AVEN: variants seen among roughly 807,000 people sequenced by gnomAD.
AVEN encodes cell death regulator Aven.
AVEN carries 41 observed loss-of-function variants against 38.1 expected under a neutral mutation model. The ratio of observed to expected loss-of-function variants is 1.08; its 90% CI spans 0.84 to 1.40. The LOEUF is 1.40. Ranked by LOEUF, AVEN falls within the 40% of genes most tolerant of loss-of-function variation. AVEN has a pLI of 0.00. For missense variants in AVEN, 605 were observed against 438.8 expected (o/e 1.38, Z -3.38); for synonymous variants, 206 against 171.8 (o/e 1.20, Z -1.56).
At chr15:34,017,987 A>C (rs920213706) in intron 1 of AVEN, among the ~76,000 whole-genome samples, 1 of 152,246 alleles carries the variant, frequency 6.6e-6, no homozygotes, top group South Asian at 2.1e-4. Context: ...ATTACCAGTC[A>C]TATAAAAGTC....
intron 2 of AVEN, among the ~76,000 whole-genome samples, chr15:33,983,821 A>T (rs1451034731): frequency 6.6e-6 from 1 of 152,098 alleles, no homozygotes; most frequent in Admixed American, 6.5e-5. Context: ...AGTTAACATC[A>T]TCAGCAGTAA....
chr15:34,068,362 C>T (rs1215623948), intron 2 of AVEN, among the ~76,000 whole-genome samples: 2 of 151,844 alleles, frequency 1.3e-5, no homozygotes, highest in Non-Finnish European at 2.9e-5. Flanking sequence ...CACGCCACCA[C>T]GCCAGGTTAA....
chr15:33,870,957 T>G lies in AVEN; in HGVS notation c.590A>C (p.Asn197Thr). The change falls in exon 4 of 6, where the codon AAC (asparagine) becomes ACC (threonine). Residue 197 changes from asparagine (N) to threonine (T), a missense_variant. Transcript: ENST00000306730. ...TACCTGGACCAGTTCGGCAGCAACG[T>G]TGAGTCGGAGGCAGAGAGGCAGCTC... ...LQELPLCLRL[N>T]VAAELVQGTV... The G allele has an allele frequency of 1.9e-6, 3 of 1,611,422 alleles. No homozygotes were observed. Among genetic ancestry groups the G allele is most frequent in the Non-Finnish European group, 2.5e-6 (3 of 1,178,366 alleles).
At chr15:34,032,258 T>C (rs1229152975) in intron 1 of AVEN, among the ~76,000 whole-genome samples, 1 of 152,204 alleles carries the variant, frequency 6.6e-6, no homozygotes, top group African/African-American at 2.4e-5. Context: ...AGTCATGCTA[T>C]GGTGTGGTTA....
downstream of AVEN, among the ~76,000 whole-genome samples, chr15:33,855,330 A>C (rs2079540335): frequency 6.6e-6 from 1 of 152,132 alleles, no homozygotes; most frequent in African/African-American, 2.4e-5. Context: ...CAGCCTCCAG[A>C]GTAGCTGGGA....
chr15:33,908,216 A>T (rs1292565713), intron 2 of AVEN, among the ~76,000 whole-genome samples: 1 of 152,212 alleles, frequency 6.6e-6, no homozygotes, highest in East Asian at 1.9e-4. Flanking sequence ...TTATCATCCC[A>T]AACTAAAACT....
At chr15:34,006,319 A>AC (rs886531725) in intron 1 of AVEN, among the ~76,000 whole-genome samples, 1 of 152,074 alleles carries the variant, frequency 6.6e-6, no homozygotes, top group Non-Finnish European at 1.5e-5. Context: ...TCAAAAAAAA[A>AC]AAAAACAGCC....
intron 2 of AVEN, among the ~76,000 whole-genome samples, chr15:33,878,887 G>A (rs986827715): frequency 1.3e-5 from 2 of 151,962 alleles, no homozygotes; most frequent in African/African-American, 4.8e-5. Context: ...TTTTAAAACT[G>A]TCCAAATTGC....
intron 5 of AVEN, among the ~76,000 whole-genome samples, chr15:34,057,849 A>G (rs1417726610): frequency 6.6e-6 from 1 of 152,240 alleles, no homozygotes; most frequent in East Asian, 1.9e-4. Context: ...TTTTAATCTG[A>G]AGCTGACCAA....
chr15:33,854,843 A>G (rs199645058), downstream of AVEN: 263 of 1,613,806 alleles, frequency 1.6e-4, no homozygotes, highest in African/African-American at 3.3e-3. Context: ...CTGCTCACCT[A>G]TTGGACATCG....
chr15:34,057,132 G>GT (rs1305095006), intron 5 of AVEN, among the ~76,000 whole-genome samples: 2,405 of 145,342 alleles, frequency 0.017, 86 homozygotes, highest in African/African-American at 0.056. Context: ...AAGAGTTTTG[G>GT]TTTTTTTTGG....
intron 2 of AVEN, among the ~76,000 whole-genome samples, chr15:33,922,162 C>T (rs982512886): frequency 6.6e-6 from 1 of 152,148 alleles, no homozygotes; most frequent in African/African-American, 2.4e-5. Context: ...GGGAGTATAG[C>T]CCCTTGGAAA....
At chr15:34,073,620 A>C (rs1347006385) in intron 1 of AVEN, among the ~76,000 whole-genome samples, 2 of 148,818 alleles carry the variant, frequency 1.3e-5, no homozygotes, top group Admixed American at 6.8e-5. Context: ...TCCCGGGTTC[A>C]AGCAATTCTC....
intron 1 of AVEN, among the ~76,000 whole-genome samples, chr15:34,015,439 A>G (rs371102303): frequency 2.9e-4 from 44 of 152,112 alleles, no homozygotes; most frequent in Middle Eastern, 3.4e-3. Flanking sequence ...CCGAGATCGC[A>G]CCACTGCACT....
At chr15:34,031,148 A>G (rs557738145) in intron 1 of AVEN, among the ~76,000 whole-genome samples, 1 of 145,880 alleles carries the variant, frequency 6.9e-6, no homozygotes, top group South Asian at 2.2e-4. Flanking sequence ...TATTATCCCA[A>G]TTATGCTTTG....
intron 3 of AVEN, among the ~76,000 whole-genome samples, chr15:33,871,931 T>C (rs1017485858): frequency 2.0e-5 from 3 of 152,248 alleles, no homozygotes; most frequent in African/African-American, 4.8e-5. Context: ...ATAGGTTTAA[T>C]TGGAATAATA....
intron 1 of AVEN, among the ~76,000 whole-genome samples, chr15:34,070,939 A>T (rs1900613024): frequency 6.6e-6 from 1 of 152,212 alleles, no homozygotes; most frequent in African/African-American, 2.4e-5. Flanking sequence ...AAAGAAAGCC[A>T]AGGTCTAACT....
At chr15:33,990,228 A>C (rs1169904688) in intron 2 of AVEN, among the ~76,000 whole-genome samples, 1 of 148,382 alleles carries the variant, frequency 6.7e-6, no homozygotes, top group Non-Finnish European at 1.5e-5. Context: ...CAAAACAAAA[A>C]AAACTTAGCC....
At chr15:33,863,972 T>G (rs527502031), downstream of AVEN, among the ~76,000 whole-genome samples, 4 of 152,300 alleles carry the variant, frequency 2.6e-5, no homozygotes, top group East Asian at 7.7e-4. Flanking sequence ...TGTGCTACTA[T>G]TAGAAAATGA....
Sources: gnomAD v4.1 joint callset for allele counts (sites outside exome capture counted in the v4.1 genomes callset) on GRCh38, gnomAD v4.1.1 for gene constraint, MANE v1.5 for transcripts, NCBI Gene and HGNC (gene_info 2026-07-23, HGNC 2026-07-21) for gene names.